Variants in EXOC4 observed in about 807,000 individuals in gnomAD.
EXOC4 encodes SEC8-like 1.
In EXOC4, 71 loss-of-function variants were observed where a neutral mutation model predicts 107.2. The observed-to-expected ratio is 0.66, with a 90% confidence interval of 0.55 to 0.81. EXOC4 has a LOEUF of 0.81. EXOC4 is among the 30% of genes least tolerant of loss of function. EXOC4 has a pLI of 0.00. For synonymous variants in EXOC4, 456 were observed against 441.2 expected, an observed-to-expected ratio of 1.03 and a Z score of -0.42; for missense variants, 1,108 against 1,189.6, an observed-to-expected ratio of 0.93 and a Z score of 1.01.
intron 9 of EXOC4, among the ~76,000 whole-genome samples, chr7:133,576,295 G>T (rs967686347): frequency 2.0e-5 from 3 of 152,076 alleles, no homozygotes; most frequent in Non-Finnish European, 4.4e-5. Flanking sequence ...TACACATATG[G>T]CCTAGAATGA....
At chr7:133,755,211 T>C in intron 10 of EXOC4, among the ~76,000 whole-genome samples, 1 of 128,740 alleles carries the variant, frequency 7.8e-6, no homozygotes, top group Non-Finnish European at 1.6e-5. Context: ...TGTTTATATA[T>C]GTGTGTGTGT....
chr7:133,723,315 A>C (rs1585103146), intron 10 of EXOC4, among the ~76,000 whole-genome samples: 1 of 152,078 alleles, frequency 6.6e-6, no homozygotes, highest in East Asian at 1.9e-4. Flanking sequence ...AATTGCTTTC[A>C]CTCTTCCACC....
intron 17 of EXOC4, among the ~76,000 whole-genome samples, chr7:134,009,529 G>T (rs138457510): frequency 1.0e-3 from 156 of 152,294 alleles, no homozygotes; most frequent in African/African-American, 3.6e-3. Flanking sequence ...GAGTGAGTGT[G>T]TGTGTTTTCA....
rs116964369 is a variant in EXOC4, at chr7:133,313,185, G to A, written c.657-4099G>A. On this transcript the variant is annotated intron_variant, in intron 4 of 17. Coordinates refer to ENST00000253861, the MANE Select transcript of EXOC4 (RefSeq NM_021807.4). ...TCTTGGCTTAGATTTTAAATTTTTAGCCTCACTTTATTTTCTGTTACCATG... is the reference window on the plus strand; with the variant it reads ...TCTTGGCTTAGATTTTAAATTTTTAACCTCACTTTATTTTCTGTTACCATG... 9.3e-3 allele frequency among the ~76,000 whole-genome samples: 1,102 copies of A among 118,388 alleles called. 10 individuals carry two copies. The highest frequency in any genetic ancestry group is 0.014 in the Non-Finnish European group (801 of 56,744). The allele number at this position is 118,388 out of a possible 152,430, so 77.7% of individuals were successfully genotyped here. A position where few individuals can be genotyped will look rare whatever the true frequency, so the allele number is the denominator to read the frequency against.
chr7:134,090,190 A>T, the EXOC4 span, among the ~76,000 whole-genome samples: 1 of 152,210 alleles, frequency 6.6e-6, no homozygotes, highest in South Asian at 2.1e-4. Context: ...AAATACACTG[A>T]CAGACAGAAG....
chr7:133,380,987 C>T (rs1796607688), intron 7 of EXOC4, among the ~76,000 whole-genome samples: 2 of 152,252 alleles, frequency 1.3e-5, no homozygotes, highest in Non-Finnish European at 2.9e-5. Flanking sequence ...TAACTATCTA[C>T]CTTTCTGCCC....
intron 14 of EXOC4, among the ~76,000 whole-genome samples, chr7:133,985,650 A>G (rs1487852120): frequency 2.0e-5 from 3 of 152,042 alleles, no homozygotes; most frequent in Non-Finnish European, 4.4e-5. Context: ...CATGTCACAA[A>G]CCACCCATTC....
At chr7:133,762,403 G>GA (rs1399291990) in intron 10 of EXOC4, among the ~76,000 whole-genome samples, 1 of 152,102 alleles carries the variant, frequency 6.6e-6, no homozygotes, top group Non-Finnish European at 1.5e-5. Flanking sequence ...GCCAAAAATT[G>GA]AAAATTAAAA....
At chr7:133,838,816 A>G (rs766418886) in intron 11 of EXOC4, among the ~76,000 whole-genome samples, 23 of 152,220 alleles carry the variant, frequency 1.5e-4, no homozygotes, top group Non-Finnish European at 2.6e-4. Context: ...TATAAGAGCA[A>G]TCATAGATAA....
intron 9 of EXOC4, among the ~76,000 whole-genome samples, chr7:133,601,545 C>A (rs1160948732): frequency 6.6e-6 from 1 of 152,140 alleles, no homozygotes; most frequent in Admixed American, 6.6e-5. Flanking sequence ...TAAAACATTT[C>A]AATCCAGCCT....
At chr7:133,743,412 A>G (rs1303303796) in intron 10 of EXOC4, among the ~76,000 whole-genome samples, 1 of 152,184 alleles carries the variant, frequency 6.6e-6, no homozygotes, top group Non-Finnish European at 1.5e-5. Flanking sequence ...GGGGCTTTGC[A>G]TGATGGCATG....
chr7:133,537,444 C>A (rs1399010724), intron 9 of EXOC4, among the ~76,000 whole-genome samples: 1 of 152,184 alleles, frequency 6.6e-6, no homozygotes, highest in Non-Finnish European at 1.5e-5. Flanking sequence ...CAGGCACGAG[C>A]CACCACGCCC....
At chr7:133,559,256 T>C (rs931251878) in intron 9 of EXOC4, among the ~76,000 whole-genome samples, 9 of 152,174 alleles carry the variant, frequency 5.9e-5, no homozygotes, top group African/African-American at 2.2e-4. Context: ...ACTATGCAAA[T>C]GTATAATGTT....
intron 9 of EXOC4, among the ~76,000 whole-genome samples, chr7:133,527,637 T>C (rs1173589401): frequency 6.6e-6 from 1 of 152,094 alleles, no homozygotes; most frequent in Non-Finnish European, 1.5e-5. Context: ...TTTCAAGTTG[T>C]GTAGAAGAGA....
rs149424620 is a variant in EXOC4 at position 133,468,600 on chromosome 7, G to A, written c.1183-6728G>A. 3.0e-3 allele frequency among the ~76,000 whole-genome samples: 454 copies of A among 152,096 alleles called. 5 individuals are homozygous for A. The highest frequency in any genetic ancestry group is 9.7e-3 in the African/African-American group (404 of 41,492). On this transcript the variant is annotated intron_variant, in intron 7 of 17. Transcript: ENST00000253861. ...ATATTACCCTGATTTTGTCTCCTGCGCTTTTCAAATTCCTTTGAGACATCC... is the reference window on the plus strand; with the variant it reads ...ATATTACCCTGATTTTGTCTCCTGCACTTTTCAAATTCCTTTGAGACATCC...
At chr7:133,778,374 G>C (rs189790083) in intron 10 of EXOC4, among the ~76,000 whole-genome samples, 1 of 152,292 alleles carries the variant, frequency 6.6e-6, no homozygotes, top group Non-Finnish European at 1.5e-5. Context: ...AGGATCACTT[G>C]AGCCCAGGAG....
intron 10 of EXOC4, among the ~76,000 whole-genome samples, chr7:133,811,997 G>C (rs1797243110): frequency 6.6e-6 from 1 of 152,172 alleles, no homozygotes; most frequent in East Asian, 1.9e-4. Context: ...GGATTCAGCA[G>C]TTAGCAATTT....
intron 11 of EXOC4, among the ~76,000 whole-genome samples, chr7:133,840,312 G>A (rs912659627): frequency 2.6e-5 from 4 of 151,962 alleles, no homozygotes; most frequent in South Asian, 2.1e-4. Flanking sequence ...GATTCTATTC[G>A]TAACAGGCAA....
chr7:133,843,429 A>G (rs151073612), intron 11 of EXOC4, among the ~76,000 whole-genome samples: 5 of 152,044 alleles, frequency 3.3e-5, no homozygotes, highest in Admixed American at 6.6e-5. Context: ...TTTTGTGGCT[A>G]TTGTGAATGG....
Sources: gnomAD v4.1 joint callset for allele counts (sites outside exome capture counted in the v4.1 genomes callset) on GRCh38, gnomAD v4.1.1 for gene constraint, MANE v1.5 for transcripts, NCBI Gene and HGNC (gene_info 2026-07-23, HGNC 2026-07-21) for gene names.